The following SYNPR variants were observed in gnomAD, a reference collection of about 807,000 sequenced individuals.
SYNPR encodes synaptoporin.
A neutral mutation model predicts 32.9 loss-of-function variants in SYNPR; 23 were observed. The ratio of observed to expected loss-of-function variants is 0.70; its 90% CI spans 0.50 to 0.99. The LOEUF (loss-of-function observed/expected upper bound fraction) is 0.99. Ranked by LOEUF, SYNPR falls within the 50% of genes least tolerant of loss-of-function variation. The pLI is 0.00. For missense variants in SYNPR, 318 were observed against 349.3 expected, an observed-to-expected ratio of 0.91 and a Z score of 0.71; for synonymous variants, 146 against 135.9, an observed-to-expected ratio of 1.07 and a Z score of -0.52.
At chr3:63,211,791 G>A in the SYNPR span, among the ~76,000 whole-genome samples, 1 of 140,698 alleles carries the variant, frequency 7.1e-6, no homozygotes, top group African/African-American at 2.7e-5. Flanking sequence ...CATGTGCCAT[G>A]CTGGTGCGCT....
At position 63,545,073 on chromosome 3, in the gene SYNPR, A is replaced by G. The variant is rs144345213; in HGVS notation, c.210-11470A>G. On this transcript the variant is annotated intron_variant, in intron 3 of 5. Transcript: ENST00000478300. ...AGGGTAGCGTTCCATTGGACACAAA[A>G]TGGAGACAAATAGAAGTGAAAGGGT... 2.8e-3 allele frequency among the ~76,000 whole-genome samples: 422 copies of G among 151,972 alleles called. 2 individuals are homozygous for G. The highest frequency in any genetic ancestry group is 9.8e-3 in the African/African-American group (408 of 41,496).
chr3:63,245,739 GTA>G (rs1217338677), intron 1 of SYNPR, among the ~76,000 whole-genome samples: 5,405 of 84,704 alleles, frequency 0.064, 135 homozygotes, highest in Non-Finnish European at 0.1. Context: ...GTGTGTGTGT[GTA>G]TGTGTGTGTG....
At chr3:63,431,326 A>G (rs1032465879) in intron 2 of SYNPR, among the ~76,000 whole-genome samples, 10 of 152,208 alleles carry the variant, frequency 6.6e-5, no homozygotes. Context: ...TATTTCTTCC[A>G]CAATCAAGTG....
At chr3:63,262,201 G>A (rs749577945) in intron 2 of SYNPR, among the ~76,000 whole-genome samples, 67 of 152,262 alleles carry the variant, frequency 4.4e-4, no homozygotes, top group Middle Eastern at 3.4e-3. Flanking sequence ...GCTGAATTGG[G>A]GTATGCAATT....
chr3:63,576,665 C>T (rs6445362), intron 4 of SYNPR, among the ~76,000 whole-genome samples: 34,031 of 151,570 alleles, frequency 0.22, 4,338 homozygotes, highest in South Asian at 0.44. Flanking sequence ...GTAGCACGTG[C>T]CTGTAGTCCC....
intron 2 of SYNPR, among the ~76,000 whole-genome samples, chr3:63,352,424 T>C (rs1461210957): frequency 6.6e-6 from 1 of 152,180 alleles, no homozygotes; most frequent in Non-Finnish European, 1.5e-5. Flanking sequence ...ATGGTTCAGA[T>C]GCAAGTAGTC....
chr3:63,453,455 A>G (rs1239878185), intron 2 of SYNPR, among the ~76,000 whole-genome samples: 1 of 152,166 alleles, frequency 6.6e-6, no homozygotes, highest in East Asian at 1.9e-4. Context: ...GACCTGTCAG[A>G]ATGGCAATAA....
Position 63,515,836 on chromosome 3 carries a change from A to T in SYNPR, c.209+34880A>T, listed in dbSNP as rs1701787750. ...TATAGTCATATTACTGTTTTTTCAC[A>T]CGAAAAAGGTAGCTTAATCTGCTGA... On this transcript the variant is annotated intron_variant, in intron 3 of 5. Transcript: ENST00000478300. 2.0e-5 allele frequency among the ~76,000 whole-genome samples: 3 copies of T among 152,116 alleles called. No homozygotes were observed. The South Asian group carries it at 6.2e-4, about 32-fold the overall frequency.
At chr3:63,430,479 T>G (rs17394170) in intron 2 of SYNPR, among the ~76,000 whole-genome samples, 21,318 of 152,066 alleles carry the variant, frequency 0.14, 1,862 homozygotes, top group South Asian at 0.19. Context: ...ACAAACAGTA[T>G]AACTGAAACA....
At chr3:63,611,241 G>A (rs545743719) in intron 5 of SYNPR, among the ~76,000 whole-genome samples, 2 of 152,322 alleles carry the variant, frequency 1.3e-5, no homozygotes, top group East Asian at 3.9e-4. Flanking sequence ...AGCAGAATGA[G>A]AGTTCTAGAT....
chr3:63,393,582 T>C (rs2088172925), intron 2 of SYNPR, among the ~76,000 whole-genome samples: 1 of 147,718 alleles, frequency 6.8e-6, no homozygotes, highest in African/African-American at 2.5e-5. Context: ...ACTGCAGCCT[T>C]GACCTCCTGG....
At chr3:63,329,725 T>C (rs1393350713) in intron 2 of SYNPR, among the ~76,000 whole-genome samples, 1 of 152,146 alleles carries the variant, frequency 6.6e-6, no homozygotes, top group Non-Finnish European at 1.5e-5. Flanking sequence ...ACATTTGCCT[T>C]TTCCAGAAAT....
intron 2 of SYNPR, among the ~76,000 whole-genome samples, chr3:63,400,460 G>T (rs2088276393): frequency 6.6e-6 from 1 of 152,242 alleles, no homozygotes; most frequent in South Asian, 2.1e-4. Context: ...CGTCAGAGCT[G>T]CCTGTTGGCA....
At chr3:63,386,920 C>G (rs961165048) in intron 2 of SYNPR, among the ~76,000 whole-genome samples, 14 of 152,176 alleles carry the variant, frequency 9.2e-5, no homozygotes, top group Admixed American at 2.0e-4. Flanking sequence ...TGCTGAGTGG[C>G]CTCTGCTCTT....
rs151219696 is a variant in SYNPR, at chr3:63,482,665, A to G, written c.209+1709A>G. Among the ~76,000 whole-genome samples, 166 of 152,366 alleles carry G rather than the reference A, an allele frequency of 1.1e-3. 1 individual carries two copies. Among genetic ancestry groups the G allele is most frequent in the African/African-American group, 3.5e-3 (144 of 41,590 alleles). ...TACTGTCTACTGTTAAGGAAGCAGT[A>G]TTAGCCAATCTCCTTTTACAGAATG... On this transcript the variant is annotated intron_variant, in intron 3 of 5. Coordinates refer to ENST00000478300, the MANE Select transcript of SYNPR (RefSeq NM_001130003.2).
In SYNPR at chr3:63,524,870, TGAGAGAGAGA is replaced by T. The variant is rs59919433; in HGVS notation, c.210-31654_210-31645del. ...GTGTGTGCATGTGTGTGTGTGTGTG[TGAGAGAGAGA>T]GAGAGAGAGAGAGAGAGAAGTCAGC... On this transcript the variant is annotated intron_variant, in intron 3 of 5. Coordinates refer to ENST00000478300, the MANE Select transcript of SYNPR (RefSeq NM_001130003.2). Among the ~76,000 whole-genome samples, 10 of 140,676 alleles carry T rather than the reference TGAGAGAGAGA, an allele frequency of 7.1e-5. No individual in the cohort carries two copies. In the South Asian group the frequency reaches 1.5e-3, roughly 22 times the overall value. The allele number at this position is 140,676 out of a possible 152,430, so 92.3% of individuals were successfully genotyped here.
At chr3:63,244,814 G>A (rs999228318) in intron 1 of SYNPR, among the ~76,000 whole-genome samples, 3 of 152,064 alleles carry the variant, frequency 2.0e-5, no homozygotes, top group South Asian at 4.1e-4. Flanking sequence ...CTGTCTGCAC[G>A]GCTTTTCTTA....
At chr3:63,252,211 T>C (rs184744778) in intron 1 of SYNPR, among the ~76,000 whole-genome samples, 1 of 152,322 alleles carries the variant, frequency 6.6e-6, no homozygotes, top group East Asian at 1.9e-4. Flanking sequence ...AGGATATGAA[T>C]GACACAGTCA....
intron 4 of SYNPR, among the ~76,000 whole-genome samples, chr3:63,605,898 G>A (rs1454377700): frequency 6.6e-6 from 1 of 152,206 alleles, no homozygotes; most frequent in Non-Finnish European, 1.5e-5. Context: ...CTGCTATGGG[G>A]CATGTATGTT....
Sources: allele counts gnomAD v4.1 joint callset (sites outside exome capture counted in the v4.1 genomes callset), GRCh38; gene constraint gnomAD v4.1.1; transcripts MANE v1.5; gene names NCBI Gene and HGNC (gene_info 2026-07-23, HGNC 2026-07-21).